Variants in LRP1B observed in about 807,000 individuals in gnomAD.
LRP1B encodes low-density lipoprotein receptor-related protein 1B.
Under a neutral mutation model 556.6 loss-of-function variants are expected in LRP1B, and 217 were observed. The observed-to-expected ratio is 0.39, with a 90% CI of 0.35 to 0.44. The LOEUF (loss-of-function observed/expected upper bound fraction) is 0.44. Ranked by LOEUF, LRP1B falls within the 20% of genes least tolerant of loss-of-function variation. The pLI, the probability that LRP1B is intolerant of heterozygous loss-of-function variation, is 1.00. For synonymous variants in LRP1B, 2,047 were observed against 1,865.8 expected (o/e 1.10, Z -2.50); for missense variants, 5,053 against 5,620.8 (o/e 0.90, Z 3.23).
At chr2:141,418,687 A>C (rs1472383798) in intron 3 of LRP1B, among the ~76,000 whole-genome samples, 1 of 152,068 alleles carries the variant, frequency 6.6e-6, no homozygotes, top group Non-Finnish European at 1.5e-5. Context: ...ATCTTTGTCC[A>C]TCTTCCCCAA....
Position 140,868,212 on chromosome 2 carries a change from G to A in LRP1B, c.4221C>T (p.Ala1407=), listed in dbSNP as rs1693012944. The change falls in exon 26 of 91, where the codon GCC becomes GCT. Residue 1407 remains alanine (A), a synonymous_variant. Coordinates refer to ENST00000389484, the MANE Select transcript of LRP1B (RefSeq NM_018557.3). ...WDANFPRIES[A]SMSGAGRKTI... ...TTTTTCTCCCAGCACCACTCATAGA[G>A]GCAGATTCAATGCGAGGAAAATTTG... is the stretch of plus-strand genomic sequence containing the variant. 4 of 1,605,142 alleles carry A rather than the reference G, an allele frequency of 2.5e-6. No homozygotes were observed. The highest frequency in any genetic ancestry group is 2.7e-5 in the African/African-American group (2 of 73,746).
chr2:142,025,039 G>T (rs1434817398), intron 1 of LRP1B, among the ~76,000 whole-genome samples: 1 of 152,026 alleles, frequency 6.6e-6, no homozygotes, highest in Admixed American at 6.6e-5. Context: ...CAAAGCAGAG[G>T]AAATTGATGT....
chr2:140,857,196 T>C (rs768208020), intron 27 of LRP1B, among the ~76,000 whole-genome samples: 18 of 152,170 alleles, frequency 1.2e-4, no homozygotes, highest in Non-Finnish European at 2.4e-4. Flanking sequence ...ATATAAAATA[T>C]GTATATTTGT....
intron 7 of LRP1B, among the ~76,000 whole-genome samples, chr2:141,081,455 C>G (rs1699920481): frequency 6.6e-6 from 1 of 152,166 alleles, no homozygotes; most frequent in African/African-American, 2.4e-5. Context: ...TCCCTCCTTC[C>G]TCTCTTACGC....
intron 1 of LRP1B, among the ~76,000 whole-genome samples, chr2:141,946,846 A>G (rs1376891330): frequency 2.6e-5 from 4 of 152,224 alleles, no homozygotes; most frequent in Non-Finnish European, 1.5e-5. Context: ...AATCAAATCA[A>G]TGATAGGAAC....
intron 1 of LRP1B, among the ~76,000 whole-genome samples, chr2:141,888,451 C>T (rs1236170388): frequency 6.6e-6 from 1 of 152,120 alleles, no homozygotes; most frequent in Non-Finnish European, 1.5e-5. Flanking sequence ...ATCTGCTTTG[C>T]TGGGAGAGAC....
chr2:141,908,369 A>G (rs147060753), intron 1 of LRP1B, among the ~76,000 whole-genome samples: 5 of 152,048 alleles, frequency 3.3e-5, no homozygotes, highest in African/African-American at 1.2e-4. Context: ...ATATTTTACT[A>G]AGCAGCAGTC....
At chr2:141,177,164 C>A (rs1157179095) in intron 7 of LRP1B, among the ~76,000 whole-genome samples, 1 of 152,030 alleles carries the variant, frequency 6.6e-6, no homozygotes, top group Non-Finnish European at 1.5e-5. Context: ...TCAGAGAATT[C>A]TTAAATCAAA....
chr2:140,398,147 A>G (rs1684331878), intron 66 of LRP1B, among the ~76,000 whole-genome samples: 1 of 152,170 alleles, frequency 6.6e-6, no homozygotes, highest in Non-Finnish European at 1.5e-5. Context: ...CCAACTTTAT[A>G]ACCACAGTTA....
intron 21 of LRP1B, among the ~76,000 whole-genome samples, chr2:140,910,688 A>G (rs1056657960): frequency 7.9e-5 from 12 of 152,046 alleles, no homozygotes; most frequent in African/African-American, 2.4e-4. Context: ...GTTCAGAAAC[A>G]TAAGATATTC....
At chr2:140,849,312 C>T (rs145773184) in intron 29 of LRP1B, among the ~76,000 whole-genome samples, 3,567 of 148,234 alleles carry the variant, frequency 0.024, 166 homozygotes, top group African/African-American at 0.083. Context: ...ATGGAGGTTG[C>T]AGTGAGCCGA....
intron 6 of LRP1B, among the ~76,000 whole-genome samples, chr2:141,193,129 C>T (rs1242513799): frequency 2.0e-5 from 3 of 151,918 alleles, no homozygotes; most frequent in African/African-American, 4.8e-5. Flanking sequence ...TACACATTGT[C>T]GATGGGATCG....
intron 32 of LRP1B, among the ~76,000 whole-genome samples, chr2:140,794,478 A>AAC (rs6146938): frequency 0.036 from 5,328 of 149,936 alleles, 103 homozygotes; most frequent in Admixed American, 0.042. Flanking sequence ...AGCTATTTAA[A>AAC]ACACACACAC....
At chr2:140,320,511 C>G (rs945077903) in intron 82 of LRP1B, among the ~76,000 whole-genome samples, 1 of 152,192 alleles carries the variant, frequency 6.6e-6, no homozygotes, top group Middle Eastern at 3.4e-3. Context: ...CAACAGGTAA[C>G]AAACCCTGCC....
At chr2:141,753,263 C>CATATATATATATATATATATATATCTAT (rs144027196) in intron 2 of LRP1B, among the ~76,000 whole-genome samples, 1 of 62,502 alleles carries the variant, frequency 1.6e-5, no homozygotes, top group Non-Finnish European at 3.4e-5. Context: ...TCTCTCTCTC[C>CATATATATATATATATATATATATCTAT]ATATATATAT....
chr2:140,460,484 G>C (rs1687272597), intron 60 of LRP1B, among the ~76,000 whole-genome samples: 2 of 152,140 alleles, frequency 1.3e-5, no homozygotes, highest in Admixed American at 1.3e-4. Flanking sequence ...AGTAGTCACT[G>C]TTGCCTAAAA....
intron 6 of LRP1B, among the ~76,000 whole-genome samples, chr2:141,213,905 A>G (rs1682673486): frequency 6.6e-6 from 1 of 152,108 alleles, no homozygotes; most frequent in African/African-American, 2.4e-5. Flanking sequence ...CTGTGTTTGC[A>G]TATAACCTAT....
intron 1 of LRP1B, among the ~76,000 whole-genome samples, chr2:141,924,055 C>A (rs1188530054): frequency 6.6e-6 from 1 of 151,968 alleles, no homozygotes; most frequent in Non-Finnish European, 1.5e-5. Flanking sequence ...AGTCTGGAGG[C>A]CTGCAGCCCT....
At chr2:142,074,189 A>C (rs13396415) in intron 1 of LRP1B, among the ~76,000 whole-genome samples, 25,997 of 151,804 alleles carry the variant, frequency 0.17, 2,461 homozygotes, top group African/African-American at 0.19. Flanking sequence ...TGCCCTACCA[A>C]TTCGCTGAAG....
Sources: allele counts gnomAD v4.1 joint callset (sites outside exome capture counted in the v4.1 genomes callset), GRCh38; gene constraint gnomAD v4.1.1; transcripts MANE v1.5; gene names NCBI Gene and HGNC (gene_info 2026-07-23, HGNC 2026-07-21).